The following TRDN variants were observed in gnomAD, a reference collection of about 807,000 sequenced individuals.
TRDN encodes the protein triadin.
Under a neutral mutation model 149.7 loss-of-function variants are expected in TRDN, and 161 were observed. The observed-to-expected ratio is 1.08, with a 90% CI of 0.95 to 1.23. The LOEUF is 1.23. Ranked by LOEUF, TRDN falls within the 50% of genes most tolerant of loss-of-function variation. The pLI is 0.00. For missense variants in TRDN, 896 were observed against 823.5 expected, an observed-to-expected ratio of 1.09 and a Z score of -1.08; for synonymous variants, 294 against 250.5, an observed-to-expected ratio of 1.17 and a Z score of -1.64.
In TRDN at chr6:123,283,985, C is replaced by CATATATATATATATAT. The variant is rs57419103; in HGVS notation, c.1511-4919_1511-4904dup. Among the ~76,000 whole-genome samples, 119 of 57,194 alleles carry CATATATATATATATAT rather than the reference C, an allele frequency of 2.1e-3. 16 individuals are homozygous for CATATATATATATATAT. Among genetic ancestry groups the CATATATATATATATAT allele is most frequent in the East Asian group, 6.4e-3 (11 of 1,722 alleles). 37.5% of individuals were successfully genotyped at this position (57,194 alleles called of 152,430 possible). ...ATAGGTGCAGCACACCAACATGGCA[C>CATATATATATATATAT]ATATATATATATATATATGTAACAA... On this transcript the variant is annotated intron_variant, in intron 24 of 40. Coordinates refer to ENST00000334268, the MANE Select transcript of TRDN (RefSeq NM_006073.4).
intron 13 of TRDN, 109 bp downstream of exon 13, chr6:123,393,515 T>C (rs1361234033): frequency 2.2e-6 from 2 of 926,844 alleles, no homozygotes; most frequent in Non-Finnish European, 3.2e-6. Flanking sequence ...TTTTTTGCAA[T>C]ATCCCAGCAG....
intron 2 of TRDN, among the ~76,000 whole-genome samples, chr6:123,551,223 T>TATATATATATATATATATATATA (rs1311778479): frequency 4.4e-4 from 61 of 137,414 alleles, no homozygotes; most frequent in Non-Finnish European, 5.7e-4. Context: ...TATATATATA[T>TATATATATATATATATATATATA]TGCCTGGTTC....
intron 38 of TRDN, among the ~76,000 whole-genome samples, chr6:123,246,560 A>G (rs542017896): frequency 1.6e-3 from 244 of 152,196 alleles, no homozygotes; most frequent in Non-Finnish European, 2.9e-3. Flanking sequence ...GAATAGACCA[A>G]TAAAACGTTC....
intron 1 of TRDN, among the ~76,000 whole-genome samples, chr6:123,602,571 T>G (rs1464965155): frequency 6.6e-6 from 1 of 151,994 alleles, no homozygotes; most frequent in Non-Finnish European, 1.5e-5. Flanking sequence ...ACCCCAACAA[T>G]TATTGAAATA....
chr6:123,281,204 G>A (rs74412815), intron 24 of TRDN, among the ~76,000 whole-genome samples: 3,545 of 152,130 alleles, frequency 0.023, 58 homozygotes, highest in Non-Finnish European at 0.035. Context: ...GAGAAGCAGA[G>A]TAATCACTGG....
rs1364076028 is a variant in TRDN, at chr6:123,217,137, G to T, written c.*1464C>A. 9.9e-5 allele frequency: 15 copies of T among 151,950 alleles called. No individual in the cohort carries two copies. Among genetic ancestry groups the T allele is most frequent in the Non-Finnish European group, 2.9e-5 (2 of 67,946 alleles). The allele number at this position is 151,950 out of a possible 1,614,324, so 9.4% of individuals were successfully genotyped here. The stretch of plus-strand genomic sequence containing the variant: ...TTCATGTGACACTGGCTTTCGTGGT[G>T]TGAATGTGGTCCACCAGCTTTTGGC... On this transcript the variant is annotated 3_prime_UTR_variant, in exon 41 of 41. Coordinates refer to ENST00000334268, the MANE Select transcript of TRDN (RefSeq NM_006073.4).
At chr6:123,494,549 TAA>T (rs1778351907) in intron 9 of TRDN, among the ~76,000 whole-genome samples, 2 of 152,188 alleles carry the variant, frequency 1.3e-5, no homozygotes, top group Non-Finnish European at 2.9e-5. Context: ...ATTTTAAAAC[TAA>T]TAGAATATGA....
intron 25 of TRDN, among the ~76,000 whole-genome samples, chr6:123,278,759 ACT>A (rs1480797975): frequency 2.6e-5 from 4 of 152,154 alleles, no homozygotes; most frequent in African/African-American, 9.7e-5. Flanking sequence ...ACAGAGTGAG[ACT>A]CTGTCTCAAA....
intron 20 of TRDN, among the ~76,000 whole-genome samples, chr6:123,358,567 C>A (rs1484858625): frequency 6.6e-6 from 1 of 151,888 alleles, no homozygotes; most frequent in Non-Finnish European, 1.5e-5. Flanking sequence ...TGGGTTCAAG[C>A]GATTCTCCTG....
At chr6:123,342,869 C>G (rs1780116029) in intron 21 of TRDN, among the ~76,000 whole-genome samples, 1 of 152,060 alleles carries the variant, frequency 6.6e-6, no homozygotes, top group South Asian at 2.1e-4. Flanking sequence ...CCTTGCAAAT[C>G]ATATGTCTGA....
At chr6:123,498,566 C>T (rs1244735422) in intron 8 of TRDN, 3 of 471,076 alleles carry the variant, frequency 6.4e-6, no homozygotes, top group Non-Finnish European at 1.3e-5. Flanking sequence ...GGCTAGTCCT[C>T]AGGTCATTCC....
chr6:123,445,198 T>A (rs1562316855), intron 10 of TRDN: 1 of 151,926 alleles, frequency 6.6e-6, no homozygotes. Context: ...CAATTTCAGA[T>A]CCTGTTATTG....
At chr6:123,479,702 A>G (rs1327194034) in intron 9 of TRDN, among the ~76,000 whole-genome samples, 1 of 152,186 alleles carries the variant, frequency 6.6e-6, no homozygotes, top group African/African-American at 2.4e-5. Flanking sequence ...GGCATTTTCA[A>G]AAGAGCATAG....
At chr6:123,350,080 T>C (rs1419736120) in intron 21 of TRDN, 2 of 980,418 alleles carry the variant, frequency 2.0e-6, no homozygotes, top group African/African-American at 1.8e-5. Flanking sequence ...ACATTTATGA[T>C]CAACAGGCTC....
intron 24 of TRDN, among the ~76,000 whole-genome samples, chr6:123,305,539 A>G (rs1241488608): frequency 6.6e-6 from 1 of 152,160 alleles, no homozygotes; most frequent in Non-Finnish European, 1.5e-5. Context: ...AACAATTCTC[A>G]TGTCTGGTAT....
chr6:123,520,481 C>T (rs1224135801), intron 5 of TRDN, among the ~76,000 whole-genome samples: 1 of 152,138 alleles, frequency 6.6e-6, no homozygotes, highest in African/African-American at 2.4e-5. Flanking sequence ...AACTTGTTCT[C>T]ATAAGCCAAA....
chr6:123,557,183 A>G (rs1333401423), intron 2 of TRDN, among the ~76,000 whole-genome samples: 1 of 151,790 alleles, frequency 6.6e-6, no homozygotes, highest in South Asian at 2.1e-4. Context: ...GCCCGCCTGC[A>G]CCCAGGTGAA....
At chr6:123,400,879 A>C (rs1026884553) in intron 12 of TRDN, among the ~76,000 whole-genome samples, 1 of 152,242 alleles carries the variant, frequency 6.6e-6, no homozygotes. Context: ...TGTTATAAAC[A>C]AACAGAATTG....
At chr6:123,259,909 T>C (rs1776703241) in intron 34 of TRDN, among the ~76,000 whole-genome samples, 1 of 151,768 alleles carries the variant, frequency 6.6e-6, no homozygotes, top group Admixed American at 6.6e-5. Flanking sequence ...TTCCTTCTTC[T>C]TTTCCTCCTC....
Sources: gnomAD v4.1 joint callset for allele counts (sites outside exome capture counted in the v4.1 genomes callset) on GRCh38, gnomAD v4.1.1 for gene constraint, MANE v1.5 for transcripts, NCBI Gene and HGNC (gene_info 2026-07-23, HGNC 2026-07-21) for gene names.